The following TOGARAM1 variants were observed in gnomAD, a reference collection of about 807,000 sequenced individuals.
The protein encoded by TOGARAM1 is TOG array regulator of axonemal microtubules protein 1.
Under a neutral mutation model 166.6 loss-of-function variants are expected in TOGARAM1, and 100 were observed. The observed-to-expected ratio is 0.60, with a 90% confidence interval of 0.51 to 0.71. The LOEUF is 0.71. Ranked by LOEUF, TOGARAM1 falls within the 30% of genes least tolerant of loss-of-function variation. The pLI is 0.00. For missense variants in TOGARAM1, 2,029 were observed against 2,102.7 expected, an observed-to-expected ratio of 0.96 and a Z score of 0.69; for synonymous variants, 758 against 763.8, an observed-to-expected ratio of 0.99 and a Z score of 0.13.
At chr14:45,028,030 T>G in intron 9 of TOGARAM1, 146 bp from the exon 10 acceptor site, 1 of 544,142 alleles carries the variant, frequency 1.8e-6, no homozygotes, top group Non-Finnish European at 3.2e-6. Context: ...TATATACATA[T>G]ATATGTATGG....
intron 16 of TOGARAM1, among the ~76,000 whole-genome samples, chr14:45,062,082 T>G (rs1253231162): frequency 1.3e-5 from 2 of 152,190 alleles, no homozygotes; most frequent in African/African-American, 4.8e-5. Context: ...TATATCTACT[T>G]GAAAGAATGT....
Position 45,024,646 on chromosome 14 carries a change from T to G in TOGARAM1, c.3239-1137T>G, listed in dbSNP as rs373514330. 1.3e-4 allele frequency among the ~76,000 whole-genome samples: 20 copies of G among 152,340 alleles called. No homozygotes were observed. In the East Asian group the frequency reaches 3.7e-3, roughly 28 times the overall value. ...GCAAATTATTCCATTTACTGAGATT[T>G]TTTTCTCTTTGTCACAGAACACGTT... On this transcript the variant is annotated intron_variant, in intron 7 of 19. Transcript: ENST00000361462.
rs574862144 is a variant in TOGARAM1 at position 45,006,732 on chromosome 14, A to G, written c.2904+465A>G. The G allele has an allele frequency of 2.0e-5, 3 of 152,434 alleles. No individual in the cohort carries two copies. In the South Asian group the frequency reaches 6.2e-4, roughly 32 times the overall value. The allele number at this position is 152,434 out of a possible 1,614,324, so 9.4% of individuals were successfully genotyped here. A position where few individuals can be genotyped will look rare whatever the true frequency, so the allele number is the denominator to read the frequency against. ...ATGTATTTTTGTACTTTTTATATTA[A>G]TATTATTTTTGTGTATTTACTTACG... On this transcript the variant is annotated intron_variant, in intron 5 of 19. Transcript: ENST00000361462.
intron 7 of TOGARAM1, among the ~76,000 whole-genome samples, chr14:45,019,665 G>A (rs1880377192): frequency 3.3e-5 from 5 of 152,120 alleles, no homozygotes; most frequent in Admixed American, 2.6e-4. Context: ...TGCCTAATTA[G>A]CATTTTAGTG....
intron 11 of TOGARAM1, among the ~76,000 whole-genome samples, chr14:45,038,388 C>T (rs932824212): frequency 2.6e-5 from 4 of 152,362 alleles, no homozygotes; most frequent in African/African-American, 9.6e-5. Context: ...CCCATGCCTA[C>T]AAAGGGTGAG....
At chr14:44,973,257 CT>C (rs1054093803) in intron 1 of TOGARAM1, among the ~76,000 whole-genome samples, 1 of 151,002 alleles carries the variant, frequency 6.6e-6, no homozygotes, top group Non-Finnish European at 1.5e-5. Flanking sequence ...TTTTAAATTA[CT>C]TTTTTTTAGT....
intron 18 of TOGARAM1, among the ~76,000 whole-genome samples, chr14:45,070,211 T>C (rs970124065): frequency 6.6e-6 from 1 of 151,956 alleles, no homozygotes; most frequent in African/African-American, 2.4e-5. Flanking sequence ...TTATCCGTCA[T>C]GTCCACGTGG....
intron 16 of TOGARAM1, among the ~76,000 whole-genome samples, chr14:45,060,471 C>T (rs935414343): frequency 6.6e-6 from 1 of 152,094 alleles, no homozygotes; most frequent in African/African-American, 2.4e-5. Context: ...CCATCTTGGC[C>T]TCCAGAGGTG....
intron 11 of TOGARAM1, among the ~76,000 whole-genome samples, chr14:45,040,492 A>G (rs141971576): frequency 4.0e-5 from 6 of 151,864 alleles, no homozygotes; most frequent in Admixed American, 2.0e-4. Context: ...GAGAAAATCA[A>G]TGAAAGCAAA....
At chr14:45,033,675 T>C (rs1881284134) in intron 11 of TOGARAM1, among the ~76,000 whole-genome samples, 2 of 152,222 alleles carry the variant, frequency 1.3e-5, no homozygotes, top group Non-Finnish European at 2.9e-5. Context: ...TGGTATCATT[T>C]TGAGCTCTAG....
intron 10 of TOGARAM1, among the ~76,000 whole-genome samples, chr14:45,029,831 T>C (rs1004910342): frequency 1.3e-5 from 2 of 150,876 alleles, no homozygotes; most frequent in Non-Finnish European, 3.0e-5. Context: ...TTTTTGTTGG[T>C]TTTTTTTTGA....
intron 1 of TOGARAM1, 28 bp from the exon 2 acceptor site, chr14:44,995,718 T>C: frequency 6.8e-7 from 1 of 1,476,164 alleles, no homozygotes; most frequent in Non-Finnish European, 9.1e-7. Context: ...TAACACAAAT[T>C]TGCTAATTTA....
intron 11 of TOGARAM1, among the ~76,000 whole-genome samples, chr14:45,038,935 C>T (rs1327156377): frequency 6.6e-6 from 1 of 152,142 alleles, no homozygotes; most frequent in East Asian, 1.9e-4. Flanking sequence ...TAGCTCCTTT[C>T]TGCACGCAAG....
intron 1 of TOGARAM1, among the ~76,000 whole-genome samples, chr14:44,980,063 T>C (rs1375934378): frequency 6.6e-6 from 1 of 152,198 alleles, no homozygotes; most frequent in African/African-American, 2.4e-5. Flanking sequence ...GCCTCCTCTG[T>C]AGTCTTAAGA....
chr14:45,028,467 A>C, intron 10 of TOGARAM1, 138 bp downstream of exon 10: 1 of 859,356 alleles, frequency 1.2e-6, no homozygotes, highest in East Asian at 2.8e-5. Context: ...TTCTGCCTTT[A>C]ATTAGCTTTG....
At chr14:45,045,950 C>A (rs1306072324) in intron 13 of TOGARAM1, among the ~76,000 whole-genome samples, 2 of 151,524 alleles carry the variant, frequency 1.3e-5, no homozygotes, top group Admixed American at 1.3e-4. Flanking sequence ...CTACTTTTAG[C>A]TCAATAAAAG....
chr14:44,996,018 T>A, intron 2 of TOGARAM1, 116 bp downstream of exon 2: 10 of 717,168 alleles, frequency 1.4e-5, no homozygotes, highest in Non-Finnish European at 2.1e-5. Context: ...TTCAATAAGT[T>A]ATTTATTGAA....
At chr14:45,022,609 G>T (rs375756736) in intron 7 of TOGARAM1, among the ~76,000 whole-genome samples, 11 of 151,640 alleles carry the variant, frequency 7.3e-5, no homozygotes, top group Admixed American at 7.2e-4. Context: ...TTCCTTCTTC[G>T]GTGGCTAGCC....
intron 3 of TOGARAM1, among the ~76,000 whole-genome samples, chr14:45,003,401 A>G (rs1235561219): frequency 6.6e-6 from 1 of 152,154 alleles, no homozygotes. Context: ...GGAAGAAGTA[A>G]TAAAGAAAAA....
Sources: gnomAD v4.1 joint callset for allele counts (sites outside exome capture counted in the v4.1 genomes callset) on GRCh38, gnomAD v4.1.1 for gene constraint, MANE v1.5 for transcripts, NCBI Gene and HGNC (gene_info 2026-07-23, HGNC 2026-07-21) for gene names.